UGT1A3: variants seen among roughly 807,000 people sequenced by gnomAD.
The protein encoded by UGT1A3 is UDP glucuronosyltransferase family 1 member A3, also known as UDP-glucuronosyltransferase 1A3.
Under a neutral mutation model 41.0 loss-of-function variants are expected in UGT1A3, and 31 were observed. The ratio of observed to expected loss-of-function variants is 0.76; its 90% CI spans 0.57 to 1.02. The LOEUF (loss-of-function observed/expected upper bound fraction) is 1.02. UGT1A3 is among the 50% of genes least tolerant of loss of function. The pLI is 0.00. For synonymous variants in UGT1A3, 262 were observed against 257.6 expected, an observed-to-expected ratio of 1.02 and a Z score of -0.17; for missense variants, 737 against 671.0, an observed-to-expected ratio of 1.10 and a Z score of -1.09.
chr2:233,736,822 C>T (rs1336018032), intron 1 of UGT1A3, among the ~76,000 whole-genome samples: 1 of 152,216 alleles, frequency 6.6e-6, no homozygotes, highest in Non-Finnish European at 1.5e-5. Flanking sequence ...ACTCCAGATG[C>T]TCTTTGCTTT....
chr2:233,738,486 T>C (rs1260702507), intron 1 of UGT1A3, among the ~76,000 whole-genome samples: 1 of 152,220 alleles, frequency 6.6e-6, no homozygotes, highest in Non-Finnish European at 1.5e-5. Flanking sequence ...GGAGACTTGT[T>C]GAACGGTTTT....
At chr2:233,756,125 T>G (rs922243394) in intron 1 of UGT1A3, 6 of 152,194 alleles carry the variant, frequency 3.9e-5, no homozygotes, top group Non-Finnish European at 7.3e-5. Flanking sequence ...TTTGTAAAAT[T>G]CTCCTGAAAA....
chr2:233,743,576 A>T (rs1692358823), intron 1 of UGT1A3: 1 of 1,367,112 alleles, frequency 7.3e-7, no homozygotes, highest in Non-Finnish European at 9.8e-7. Flanking sequence ...GTTTCCCAAG[A>T]GGTCAAAGGA....
At chr2:233,742,134 C>A (rs1691883024) in intron 1 of UGT1A3, among the ~76,000 whole-genome samples, 1 of 151,870 alleles carries the variant, frequency 6.6e-6, no homozygotes, top group South Asian at 2.1e-4. Context: ...AGACCCTAAC[C>A]CAGCAGCGCT....
intron 1 of UGT1A3, among the ~76,000 whole-genome samples, chr2:233,733,174 GC>G (rs2078363490): frequency 6.6e-6 from 1 of 152,204 alleles, no homozygotes; most frequent in South Asian, 2.1e-4. Context: ...CTGGGACTTT[GC>G]TGAAGTTGCT....
chr2:233,767,285 T>G, intron 2 of UGT1A3, 120 bp downstream of exon 2: 4 of 1,569,258 alleles, frequency 2.5e-6, no homozygotes, highest in Non-Finnish European at 3.4e-6. Flanking sequence ...CCCTGCCACT[T>G]CCCAACTATT....
intron 1 of UGT1A3, among the ~76,000 whole-genome samples, chr2:233,731,794 A>G (rs1329897659): frequency 6.6e-6 from 1 of 152,192 alleles, no homozygotes; most frequent in African/African-American, 2.4e-5. Context: ...GTTTGGGTAT[A>G]TACCCAGTAA....
intron 1 of UGT1A3, chr2:233,743,836 C>T (rs62191918): frequency 0.07 from 95,512 of 1,367,130 alleles, 4,650 homozygotes; most frequent in East Asian, 0.2. Context: ...GCCACTTGAG[C>T]GCCAGCTTGC....
At chr2:233,741,288 A>G (rs1260428951) in intron 1 of UGT1A3, among the ~76,000 whole-genome samples, 2 of 151,770 alleles carry the variant, frequency 1.3e-5, no homozygotes, top group Non-Finnish European at 2.9e-5. Context: ...GGATTTATGT[A>G]CCCAATTGTG....
intron 1 of UGT1A3, among the ~76,000 whole-genome samples, chr2:233,737,453 A>G (rs1465600831): frequency 6.6e-6 from 1 of 152,182 alleles, no homozygotes; most frequent in Non-Finnish European, 1.5e-5. Context: ...TTTTCCAGGT[A>G]CAGTCTGTCA....
chr2:233,730,376 G>A (rs1316829383), intron 1 of UGT1A3, among the ~76,000 whole-genome samples: 1 of 152,114 alleles, frequency 6.6e-6, no homozygotes, highest in Non-Finnish European at 1.5e-5. Context: ...GATTTTCAGG[G>A]GAAAGATGAT....
At chr2:233,743,749 C>G (rs937168653) in intron 1 of UGT1A3, 24 of 1,367,282 alleles carry the variant, frequency 1.8e-5, no homozygotes, top group Non-Finnish European at 2.3e-5. Context: ...TGGCGTCCGA[C>G]AACACCTCGT....
intron 1 of UGT1A3, among the ~76,000 whole-genome samples, chr2:233,736,317 G>T (rs2078750401): frequency 6.6e-6 from 1 of 152,044 alleles, no homozygotes; most frequent in African/African-American, 2.4e-5. Flanking sequence ...ATTGAATTTT[G>T]TGCATGTGTT....
intron 1 of UGT1A3, chr2:233,743,896 C>A: frequency 3.7e-6 from 5 of 1,366,934 alleles, no homozygotes; most frequent in Non-Finnish European, 4.9e-6. Flanking sequence ...GCACGTCCAG[C>A]ACCTCGTAGT....
Position 233,747,651 on chromosome 2 carries a change from G to A in UGT1A3, c.867+17658G>A, listed in dbSNP as rs566750548. ...CAGGCACCTGAATGCTACTTCCTTC[G>A]ATGTGGTTTTAATAGACCCAATTTA... On this transcript the variant is annotated intron_variant, in intron 1 of 4. Coordinates refer to ENST00000482026, the MANE Select transcript of UGT1A3 (RefSeq NM_019093.4). The A allele has an allele frequency of 2.5e-5, 39 of 1,588,728 alleles. No individual in the cohort carries two copies. The African/African-American group carries it at 3.1e-4, about 13-fold the overall frequency.
At position 233,729,426 on chromosome 2, in the gene UGT1A3, C is replaced by T. The variant is rs141561137; in HGVS notation, c.300C>T (p.Tyr100=). The change falls in exon 1 of 5, where the codon TAC becomes TAT. Residue 100 remains tyrosine, a synonymous_variant. Coordinates refer to ENST00000482026, the MANE Select transcript of UGT1A3 (RefSeq NM_019093.4). The stretch of plus-strand genomic sequence containing the variant: ...ATGTGCTGGGCCACACTCAACTGTA[C>T]TTTGAAACAGAACATTTTCTGAAGA... ...DRHVLGHTQL[Y]FETEHFLKKF... The T allele has an allele frequency of 1.1e-4, 183 of 1,613,828 alleles. 1 individual carries two copies. The African/African-American group carries it at 2.1e-3, about 19-fold the overall frequency.
At chr2:233,757,306 A>T (rs894592007) in intron 1 of UGT1A3, among the ~76,000 whole-genome samples, 3 of 7,676 alleles carry the variant, frequency 3.9e-4, no homozygotes, top group African/African-American at 1.0e-3. Context: ...GTTGGGGGAC[A>T]GGGGGGCTGG....
In UGT1A3 at chr2:233,771,027, G is replaced by C. The variant is rs186703216; in HGVS notation, c.1308-1235G>C. On this transcript the variant is annotated intron_variant, in intron 4 of 4. Transcript: ENST00000482026. ...CAAAAGCAGGAGCGAGAGAGAGTTG[G>C]GGGGGAAGGTGCCACACACTTTTTA... is the stretch of plus-strand genomic sequence containing the variant. The C allele has an allele frequency of 5.9e-5, 9 of 152,196 alleles. No homozygotes were observed. The East Asian group carries it at 1.4e-3, about 23-fold the overall frequency. The allele number at this position is 152,196 out of a possible 1,614,324, so 9.4% of individuals were successfully genotyped here. A position where few individuals can be genotyped will look rare whatever the true frequency, so the allele number is the denominator to read the frequency against.
chr2:233,745,363 G>T (rs1011191922), intron 1 of UGT1A3, among the ~76,000 whole-genome samples: 1 of 151,804 alleles, frequency 6.6e-6, no homozygotes, highest in African/African-American at 2.4e-5. Flanking sequence ...ATTTTTTTGA[G>T]ATCTGAGTTC....
Sources: gnomAD v4.1 joint callset for allele counts (sites outside exome capture counted in the v4.1 genomes callset) on GRCh38, gnomAD v4.1.1 for gene constraint, MANE v1.5 for transcripts, NCBI Gene and HGNC (gene_info 2026-07-23, HGNC 2026-07-21) for gene names.